PPP2R2B: variants seen among roughly 807,000 people sequenced by gnomAD.
The protein encoded by PPP2R2B is serine/threonine-protein phosphatase 2A 55 kDa regulatory subunit B beta isoform.
A neutral mutation model predicts 46.0 loss-of-function variants in PPP2R2B; 5 were observed. That is an observed-to-expected ratio of 0.11 (90% CI 0.06 to 0.23). PPP2R2B has a LOEUF of 0.23. PPP2R2B is among the 10% of genes least tolerant of loss of function. The pLI, the probability that PPP2R2B is intolerant of heterozygous loss-of-function variation, is 1.00. For synonymous variants in PPP2R2B, 215 were observed against 206.7 expected (o/e 1.04, Z -0.34); for missense variants, 367 against 575.0 (o/e 0.64, Z 3.70).
intron 6 of PPP2R2B, among the ~76,000 whole-genome samples, chr5:146,642,968 GA>G (rs1336040036): frequency 6.6e-6 from 1 of 152,148 alleles, no homozygotes; most frequent in Non-Finnish European, 1.5e-5. Flanking sequence ...GAGGCAGGAG[GA>G]TTGATTGAGC....
At chr5:146,973,896 A>C (rs1752775159) in intron 1 of PPP2R2B, among the ~76,000 whole-genome samples, 1 of 152,240 alleles carries the variant, frequency 6.6e-6, no homozygotes, top group African/African-American at 2.4e-5. Flanking sequence ...ATCTGAGAAG[A>C]CAATATTTGC....
At chr5:146,934,496 G>A (rs1051188464) in intron 1 of PPP2R2B, among the ~76,000 whole-genome samples, 2 of 140,730 alleles carry the variant, frequency 1.4e-5, no homozygotes, top group Non-Finnish European at 3.0e-5. Flanking sequence ...AGAAGTGTCT[G>A]TTCATGTCCT....
chr5:146,802,736 C>G (rs1418208517), intron 2 of PPP2R2B, among the ~76,000 whole-genome samples: 1 of 152,138 alleles, frequency 6.6e-6, no homozygotes, highest in African/African-American at 2.4e-5. Flanking sequence ...CACTCCATAT[C>G]ATGGTGGGGA....
chr5:147,081,461 C>A, upstream of PPP2R2B: 1 of 625,852 alleles, frequency 1.6e-6, no homozygotes, highest in Non-Finnish European at 2.8e-6. Flanking sequence ...CAGTCATCCC[C>A]TGTGTGACTG....
intron 2 of PPP2R2B, among the ~76,000 whole-genome samples, chr5:146,732,030 C>T (rs1752263680): frequency 2.0e-5 from 3 of 152,138 alleles, no homozygotes; most frequent in African/African-American, 7.2e-5. Context: ...TAAAAACAAC[C>T]TTCTGTGGAG....
At chr5:146,839,614 T>C (rs1759507247) in intron 2 of PPP2R2B, among the ~76,000 whole-genome samples, 1 of 152,230 alleles carries the variant, frequency 6.6e-6, no homozygotes, top group South Asian at 2.1e-4. Context: ...GGCTTGGCCC[T>C]ATAAAATTTA....
chr5:146,674,756 GAACTTAGTTTACATCTA>G, intron 5 of PPP2R2B, among the ~76,000 whole-genome samples: 1 of 152,202 alleles, frequency 6.6e-6, no homozygotes, highest in East Asian at 1.9e-4. Flanking sequence ...AAAGTTCTGG[GAACTTAGTTTACATCTA>G]TTCTGAAGAA....
chr5:146,753,908 C>G (rs974376395), intron 2 of PPP2R2B, among the ~76,000 whole-genome samples: 6 of 152,046 alleles, frequency 3.9e-5, no homozygotes, highest in African/African-American at 1.4e-4. Flanking sequence ...CCTTTGTAAA[C>G]AGCAGTTAAG....
chr5:146,650,494 C>G (rs1775880366), intron 6 of PPP2R2B, 53 bp downstream of exon 6: 6 of 1,545,638 alleles, frequency 3.9e-6, no homozygotes, highest in African/African-American at 1.4e-5. Context: ...CCCACTCGCA[C>G]CTGAATACTC....
At chr5:146,854,703 G>A (rs1367359375) in intron 2 of PPP2R2B, among the ~76,000 whole-genome samples, 1 of 152,120 alleles carries the variant, frequency 6.6e-6, no homozygotes, top group Non-Finnish European at 1.5e-5. Flanking sequence ...CACTCACCTT[G>A]TACCTCACAC....
chr5:146,979,182 A>G (rs1466510785), intron 1 of PPP2R2B, among the ~76,000 whole-genome samples: 3 of 152,088 alleles, frequency 2.0e-5, no homozygotes, highest in East Asian at 3.9e-4. Context: ...CCTGAAACAC[A>G]TTTCTCTCAG....
intron 2 of PPP2R2B, among the ~76,000 whole-genome samples, chr5:146,837,660 A>T (rs1227278975): frequency 1.3e-5 from 2 of 152,240 alleles, no homozygotes; most frequent in Non-Finnish European, 2.9e-5. Flanking sequence ...TTCCACATGT[A>T]ATCAATATCA....
At chr5:146,848,510 C>T (rs574870131) in intron 2 of PPP2R2B, among the ~76,000 whole-genome samples, 78 of 152,230 alleles carry the variant, frequency 5.1e-4, no homozygotes, top group African/African-American at 1.9e-3. Context: ...GTAAGGTATA[C>T]TGTAGGATGC....
At chr5:146,819,527 G>A (rs1561932922) in intron 2 of PPP2R2B, among the ~76,000 whole-genome samples, 1 of 152,032 alleles carries the variant, frequency 6.6e-6, no homozygotes, top group East Asian at 1.9e-4. Context: ...AAAAGAATAA[G>A]GAAGTGAAAA....
chr5:146,595,471 G>A (rs571643293), intron 8 of PPP2R2B, among the ~76,000 whole-genome samples: 9 of 152,226 alleles, frequency 5.9e-5, no homozygotes, highest in East Asian at 1.9e-4. Context: ...TGGAAGTCAC[G>A]CCCATTAGCA....
At chr5:147,001,674 AC>A (rs939998060) in intron 1 of PPP2R2B, among the ~76,000 whole-genome samples, 1 of 152,188 alleles carries the variant, frequency 6.6e-6, no homozygotes, top group Non-Finnish European at 1.5e-5. Context: ...AGTGGTGAGT[AC>A]CATCGGACCC....
chr5:147,043,014 T>G (rs1344705527), intron 1 of PPP2R2B, among the ~76,000 whole-genome samples: 1 of 152,090 alleles, frequency 6.6e-6, no homozygotes, highest in African/African-American at 2.4e-5. Flanking sequence ...TAATACCTTG[T>G]AGCTTGTTTG....
intron 1 of PPP2R2B, among the ~76,000 whole-genome samples, chr5:146,968,017 G>A (rs1752508279): frequency 6.6e-6 from 1 of 152,148 alleles, no homozygotes; most frequent in Non-Finnish European, 1.5e-5. Context: ...AAGGCCCCAT[G>A]AATCTAGAAC....
At chr5:146,767,569 T>C (rs980252707) in intron 2 of PPP2R2B, among the ~76,000 whole-genome samples, 3 of 152,004 alleles carry the variant, frequency 2.0e-5, no homozygotes, top group African/African-American at 7.2e-5. Flanking sequence ...TATATATATA[T>C]ATTTAGTAGA....
Sources: gnomAD v4.1 joint callset for allele counts (sites outside exome capture counted in the v4.1 genomes callset) on GRCh38, gnomAD v4.1.1 for gene constraint, MANE v1.5 for transcripts, NCBI Gene and HGNC (gene_info 2026-07-23, HGNC 2026-07-21) for gene names.